MTSS1: variants seen among roughly 807,000 people sequenced by gnomAD.
MTSS1 encodes MTSS I-BAR domain containing 1.
In MTSS1, 18 loss-of-function variants were observed where a neutral mutation model predicts 79.0. The ratio of observed to expected loss-of-function variants is 0.23; its 90% CI spans 0.16 to 0.34. The LOEUF is 0.34. Ranked by LOEUF, MTSS1 falls within the 10% of genes least tolerant of loss-of-function variation. MTSS1 has a pLI of 1.00. For missense variants in MTSS1, 815 were observed against 986.2 expected (o/e 0.83, Z 2.33); for synonymous variants, 341 against 368.6 (o/e 0.93, Z 0.86).
intron 3 of MTSS1, among the ~76,000 whole-genome samples, chr8:124,695,866 TG>T (rs10535398): frequency 0.35 from 51,491 of 148,666 alleles, 9,491 homozygotes; most frequent in Non-Finnish European, 0.4. Flanking sequence ...AAACTAGTGT[TG>T]TTTTTTTTTT....
chr8:124,640,838 G>A (rs965278758), intron 3 of MTSS1, among the ~76,000 whole-genome samples: 3 of 151,934 alleles, frequency 2.0e-5, no homozygotes, highest in Non-Finnish European at 4.4e-5. Context: ...CACCGTGCCC[G>A]GCCTCAACCC....
At chr8:124,719,086 G>A (rs971914576) in intron 1 of MTSS1, among the ~76,000 whole-genome samples, 6 of 152,134 alleles carry the variant, frequency 3.9e-5, no homozygotes, top group African/African-American at 1.2e-4. Flanking sequence ...CTGCAAAAGC[G>A]AGAGAGAGCC....
At chr8:124,725,868 T>G (rs1833619135) in intron 1 of MTSS1, among the ~76,000 whole-genome samples, 1 of 152,074 alleles carries the variant, frequency 6.6e-6, no homozygotes, top group South Asian at 2.1e-4. Flanking sequence ...AATCAGACAT[T>G]CCCTCTCTCT....
intron 4 of MTSS1, among the ~76,000 whole-genome samples, chr8:124,590,590 A>G (rs16899802): frequency 0.018 from 2,710 of 152,332 alleles, 87 homozygotes; most frequent in African/African-American, 0.062. Flanking sequence ...ACAGAATCAC[A>G]TAAAACTGCT....
At chr8:124,564,477 G>T (rs1224062759) in intron 9 of MTSS1, among the ~76,000 whole-genome samples, 2 of 152,088 alleles carry the variant, frequency 1.3e-5, no homozygotes, top group Non-Finnish European at 2.9e-5. Flanking sequence ...CATGATTTTT[G>T]ACTTTCCCCT....
At chr8:124,645,499 G>A (rs1021850788) in intron 3 of MTSS1, among the ~76,000 whole-genome samples, 2 of 152,160 alleles carry the variant, frequency 1.3e-5, no homozygotes, top group Non-Finnish European at 2.9e-5. Flanking sequence ...AAAATCTTAG[G>A]ATAAACTCAA....
At chr8:124,579,673 C>T (rs911524924) in intron 6 of MTSS1, 15 of 152,172 alleles carry the variant, frequency 9.9e-5, no homozygotes, top group African/African-American at 3.4e-4. Context: ...AGCCCAACAT[C>T]GCCATGAGGG....
At chr8:124,631,173 T>C (rs1322756113) in intron 3 of MTSS1, among the ~76,000 whole-genome samples, 1 of 152,162 alleles carries the variant, frequency 6.6e-6, no homozygotes, top group Non-Finnish European at 1.5e-5. Context: ...AATCAGCAGC[T>C]TTGGGAAGGT....
chr8:124,691,457 CAT>C (rs776237016), intron 3 of MTSS1, among the ~76,000 whole-genome samples: 7 of 152,184 alleles, frequency 4.6e-5, no homozygotes, highest in Non-Finnish European at 1.0e-4. Context: ...TATGGATACA[CAT>C]ACGTACATAC....
chr8:124,648,256 T>C (rs1370352502), intron 3 of MTSS1, among the ~76,000 whole-genome samples: 3 of 152,188 alleles, frequency 2.0e-5, no homozygotes, highest in African/African-American at 7.2e-5. Flanking sequence ...TGAAAGGGTT[T>C]GTTGTTACTA....
At chr8:124,616,226 T>C (rs1341876824) in intron 3 of MTSS1, among the ~76,000 whole-genome samples, 1 of 152,174 alleles carries the variant, frequency 6.6e-6, no homozygotes, top group Non-Finnish European at 1.5e-5. Context: ...AAGATTCCAC[T>C]GCAACAAACT....
chr8:124,555,960 A>AC (rs1823628899), intron 12 of MTSS1, 56 bp from the exon 13 acceptor site: 1 of 1,588,498 alleles, frequency 6.3e-7, no homozygotes, highest in African/African-American at 1.3e-5. Context: ...GCTCAACAGC[A>AC]CTCCTGTTCT....
At chr8:124,687,113 A>G (rs543688033) in intron 3 of MTSS1, among the ~76,000 whole-genome samples, 2 of 152,220 alleles carry the variant, frequency 1.3e-5, no homozygotes, top group South Asian at 4.1e-4. Flanking sequence ...CTCTCCCGGC[A>G]CTCGCTTTAT....
intron 3 of MTSS1, among the ~76,000 whole-genome samples, chr8:124,612,855 A>C (rs1836133177): frequency 6.6e-6 from 1 of 152,156 alleles, no homozygotes; most frequent in South Asian, 2.1e-4. Flanking sequence ...CAAAAGACTG[A>C]AACCCATCAA....
intron 3 of MTSS1, among the ~76,000 whole-genome samples, chr8:124,634,101 T>C (rs1816536569): frequency 6.6e-6 from 1 of 151,344 alleles, no homozygotes; most frequent in Non-Finnish European, 1.5e-5. Flanking sequence ...TATTTATTTA[T>C]TTATTTTTAA....
At chr8:124,651,047 G>A (rs1211764227) in intron 3 of MTSS1, among the ~76,000 whole-genome samples, 1 of 152,212 alleles carries the variant, frequency 6.6e-6, no homozygotes, top group African/African-American at 2.4e-5. Flanking sequence ...CACAAAGCAA[G>A]TGTTCATTAA....
In MTSS1 at chr8:124,562,800, C is replaced by T. The variant is rs138654761; in HGVS notation, c.1017G>A (p.Pro339=). The change falls in exon 10 of 14, where the codon CCG becomes CCA. Residue 339 remains proline, a synonymous_variant. Coordinates refer to ENST00000518547, the MANE Select transcript of MTSS1 (RefSeq NM_014751.6). The stretch of plus-strand genomic sequence containing the variant: ...CCCTTACCTGGTTGGGGGCCTCTGG[C>T]GGCATGGGGGATGGTGACTTGGACT... ...AFQSKSPSPM[P]PEAPNQLSNG... The T allele has an allele frequency of 2.0e-5, 33 of 1,613,928 alleles. No individual in the cohort carries two copies. The highest frequency in any genetic ancestry group is 1.2e-4 in the Admixed American group (7 of 59,990).
At chr8:124,666,788 T>C (rs1014333038) in intron 3 of MTSS1, among the ~76,000 whole-genome samples, 2 of 152,072 alleles carry the variant, frequency 1.3e-5, no homozygotes, top group Non-Finnish European at 2.9e-5. Context: ...AGTTGGCAGA[T>C]AGTGAGCTTT....
intron 1 of MTSS1, among the ~76,000 whole-genome samples, chr8:124,725,161 A>G (rs545213327): frequency 1.3e-5 from 2 of 152,324 alleles, no homozygotes; most frequent in South Asian, 4.1e-4. Flanking sequence ...GCTGTTCCCC[A>G]GTGGAGAAAA....
Sources: gnomAD v4.1 joint callset for allele counts (sites outside exome capture counted in the v4.1 genomes callset) on GRCh38, gnomAD v4.1.1 for gene constraint, MANE v1.5 for transcripts, NCBI Gene and HGNC (gene_info 2026-07-23, HGNC 2026-07-21) for gene names.